PRMT3: variants seen among roughly 807,000 people sequenced by gnomAD.
PRMT3 encodes protein arginine N-methyltransferase 3.
In PRMT3, 62 loss-of-function variants were observed where a neutral mutation model predicts 71.9. The ratio of observed to expected loss-of-function variants is 0.86; its 90% CI spans 0.70 to 1.07. The LOEUF (loss-of-function observed/expected upper bound fraction) is 1.07. Among genes scored for constraint, PRMT3 ranks in the 50% least tolerant of loss-of-function variants. The pLI, the probability that PRMT3 is intolerant of heterozygous loss-of-function variation, is 0.00. For synonymous variants in PRMT3, 213 were observed against 220.4 expected, an observed-to-expected ratio of 0.97 and a Z score of 0.30; for missense variants, 663 against 643.0, an observed-to-expected ratio of 1.03 and a Z score of -0.34.
chr11:20,421,781 C>T (rs373935172), intron 9 of PRMT3, among the ~76,000 whole-genome samples: 4 of 152,210 alleles, frequency 2.6e-5, no homozygotes, highest in Non-Finnish European at 4.4e-5. Flanking sequence ...ATGTGGGCCC[C>T]GTGCTTGTTA....
At chr11:20,456,722 C>T (rs1389136909) in intron 11 of PRMT3, among the ~76,000 whole-genome samples, 1 of 151,640 alleles carries the variant, frequency 6.6e-6, no homozygotes, top group African/African-American at 2.4e-5. Context: ...GCTATTTCTG[C>T]TTTAAAAAAA....
intron 15 of PRMT3, among the ~76,000 whole-genome samples, chr11:20,506,455 A>G (rs541691443): frequency 1.1e-3 from 152 of 138,422 alleles, no homozygotes; most frequent in African/African-American, 3.6e-3. Flanking sequence ...TATTTCTTCT[A>G]TTATTTAACT....
At chr11:20,451,494 G>GT (rs749945910) in intron 10 of PRMT3, among the ~76,000 whole-genome samples, 4,552 of 143,182 alleles carry the variant, frequency 0.032, 85 homozygotes, top group African/African-American at 0.057. Flanking sequence ...TTTCTTTTTT[G>GT]TTTTTTTTTT....
intron 12 of PRMT3, among the ~76,000 whole-genome samples, chr11:20,463,853 G>A (rs1279182350): frequency 6.6e-6 from 1 of 151,264 alleles, no homozygotes; most frequent in Non-Finnish European, 1.5e-5. Context: ...TTGAAAAAGG[G>A]CAGAATGGGA....
intron 13 of PRMT3, among the ~76,000 whole-genome samples, chr11:20,491,430 C>T (rs1326791255): frequency 2.0e-5 from 3 of 152,128 alleles, no homozygotes; most frequent in Non-Finnish European, 4.4e-5. Flanking sequence ...GTTGTGTAAA[C>T]TGTGTGTCTT....
chr11:20,433,711 C>T (rs149370020), intron 10 of PRMT3, among the ~76,000 whole-genome samples: 1 of 152,052 alleles, frequency 6.6e-6, no homozygotes, highest in South Asian at 2.1e-4. Context: ...ACCTCCACCC[C>T]CCAGGTTCAA....
intron 13 of PRMT3, among the ~76,000 whole-genome samples, chr11:20,484,394 G>A (rs1054133709): frequency 3.4e-5 from 5 of 149,080 alleles, no homozygotes; most frequent in Non-Finnish European, 7.4e-5. Context: ...GAATTGGGGG[G>A]AGTGTTACAG....
At chr11:20,395,670 A>G (rs1200081341) in intron 5 of PRMT3, 133 bp from the exon 6 acceptor site, 5 of 874,978 alleles carry the variant, frequency 5.7e-6, no homozygotes, top group African/African-American at 5.1e-5. Flanking sequence ...TTAATATTCA[A>G]TTAAAAGTAC....
intron 13 of PRMT3, among the ~76,000 whole-genome samples, chr11:20,492,882 C>A (rs1851241126): frequency 6.6e-6 from 1 of 152,172 alleles, no homozygotes; most frequent in African/African-American, 2.4e-5. Flanking sequence ...CATGGTGAAA[C>A]CCCATCTCTA....
In PRMT3 at chr11:20,508,337, A is replaced by G; in HGVS notation, c.1520A>G (p.Lys507Arg). The change falls in exon 16 of 16, where the codon AAG becomes AGG. Residue 507 changes from lysine to arginine, a missense_variant. Coordinates refer to ENST00000331079, the MANE Select transcript of PRMT3 (RefSeq NM_005788.4). ...TTGAAAGGAAAGGTCACAGTTCACA[A>G]GAATAAGAAAGATCCACGTTCTCTC... The part of the protein sequence containing the change: ...EALKGKVTVH[K>R]NKKDPRSLTV... 2 of 1,611,488 alleles carry G rather than the reference A, an allele frequency of 1.2e-6. No individual in the cohort carries two copies. Among genetic ancestry groups the G allele is most frequent in the Non-Finnish European group, 1.7e-6 (2 of 1,177,732 alleles).
rs199983877 is a variant in PRMT3 at position 20,397,557 on chromosome 11, G to A, written c.561-20G>A. On this transcript the variant is annotated intron_variant, in intron 6 of 15. Transcript: ENST00000331079. ...GGTCCAATAAACCTGTCTCAAGGGT[G>A]TATTTCAAATTGATTACAGACAATT... is the stretch of plus-strand genomic sequence containing the variant. 6 of 1,613,266 alleles carry A rather than the reference G, an allele frequency of 3.7e-6. No homozygotes were observed. Among genetic ancestry groups the A allele is most frequent in the Middle Eastern group, 1.7e-4 (1 of 6,056 alleles).
intron 10 of PRMT3, among the ~76,000 whole-genome samples, chr11:20,431,733 G>C (rs1183669499): frequency 6.6e-6 from 1 of 151,940 alleles, no homozygotes; most frequent in Non-Finnish European, 1.5e-5. Context: ...ATTGGGATTT[G>C]GGGTATTCTT....
At chr11:20,497,295 C>G (rs1295226256) in intron 15 of PRMT3, among the ~76,000 whole-genome samples, 1 of 152,114 alleles carries the variant, frequency 6.6e-6, no homozygotes, top group East Asian at 1.9e-4. Context: ...TATAGAATAT[C>G]GTGAAGGAGG....
At chr11:20,499,000 C>A (rs1851397696) in intron 15 of PRMT3, among the ~76,000 whole-genome samples, 1 of 152,176 alleles carries the variant, frequency 6.6e-6, no homozygotes, top group African/African-American at 2.4e-5. Flanking sequence ...GTGGAAAATG[C>A]CAGAAATGGT....
intron 10 of PRMT3, among the ~76,000 whole-genome samples, chr11:20,443,816 G>A (rs1216438747): frequency 1.3e-5 from 2 of 152,182 alleles, no homozygotes; most frequent in African/African-American, 4.8e-5. Flanking sequence ...GTGCCATCCA[G>A]TGGGAGAAAA....
rs536140037 is a variant in PRMT3, at chr11:20,443,349, A to G, written c.994-8781A>G. ...GTAAATTCACATTTGCTCTGTAGAT[A>G]TATTTGTTTGTCCCAGCTCTGTTAT... On this transcript the variant is annotated intron_variant, in intron 10 of 15. Coordinates refer to ENST00000331079, the MANE Select transcript of PRMT3 (RefSeq NM_005788.4). Among the ~76,000 whole-genome samples the G allele has an allele frequency of 7.9e-5, 12 of 152,212 alleles. 1 individual carries two copies. Among genetic ancestry groups the G allele is most frequent in the African/African-American group, 2.9e-4 (12 of 41,530 alleles).
rs1851486726 is a variant in PRMT3, at chr11:20,502,713, G to A, written c.1487-5591G>A. On this transcript the variant is annotated intron_variant, in intron 15 of 15. Coordinates refer to ENST00000331079, the MANE Select transcript of PRMT3 (RefSeq NM_005788.4). ...TTTGACTTGCACTAAGGATTGAATA[G>A]GACTTCTATAAACAAGACAGCTTAC... 1.3e-5 allele frequency among the ~76,000 whole-genome samples: 2 copies of A among 152,080 alleles called. 1 individual carries two copies. Among genetic ancestry groups the A allele is most frequent in the South Asian group, 4.1e-4 (2 of 4,820 alleles).
chr11:20,472,010 G>T (rs1850658134), intron 13 of PRMT3, among the ~76,000 whole-genome samples: 1 of 152,046 alleles, frequency 6.6e-6, no homozygotes, highest in Non-Finnish European at 1.5e-5. Flanking sequence ...CCTGTTGTTG[G>T]TATATGAGAA....
At chr11:20,484,309 C>G (rs1446514176) in intron 13 of PRMT3, among the ~76,000 whole-genome samples, 1 of 152,046 alleles carries the variant, frequency 6.6e-6, no homozygotes, top group African/African-American at 2.4e-5. Flanking sequence ...TGTATTATAC[C>G]CTACTCTGGG....
Sources: gnomAD v4.1 joint callset for allele counts (sites outside exome capture counted in the v4.1 genomes callset) on GRCh38, gnomAD v4.1.1 for gene constraint, MANE v1.5 for transcripts, NCBI Gene and HGNC (gene_info 2026-07-23, HGNC 2026-07-21) for gene names.